The following SDAD1 variants were observed in gnomAD, a reference collection of about 807,000 sequenced individuals.
SDAD1 encodes SDA1 domain containing 1.
SDAD1 carries 79 observed loss-of-function variants against 100.3 expected under a neutral mutation model. That is an observed-to-expected ratio of 0.79 (90% CI 0.66 to 0.95). The LOEUF (loss-of-function observed/expected upper bound fraction) is 0.95, where lower values mean the gene tolerates loss of function less well. SDAD1 is among the 40% of genes least tolerant of loss of function. The pLI is 0.00. For synonymous variants in SDAD1, 267 were observed against 271.4 expected (o/e 0.98, Z 0.16); for missense variants, 790 against 810.9 (o/e 0.97, Z 0.31).
intron 13 of SDAD1, among the ~76,000 whole-genome samples, chr4:75,965,061 C>T (rs1729460578): frequency 6.6e-6 from 1 of 152,154 alleles, no homozygotes; most frequent in Non-Finnish European, 1.5e-5. Flanking sequence ...CCAGGCAGAA[C>T]AGAGCCATAT....
chr4:75,950,909 A>G, intron 21 of SDAD1, 112 bp from the exon 22 acceptor site: 1 of 599,806 alleles, frequency 1.7e-6, no homozygotes, highest in East Asian at 2.7e-5. Context: ...CACCATCCTG[A>G]AAAACTATAA....
At chr4:75,956,271 G>T (rs1285844774) in intron 20 of SDAD1, 135 bp from the exon 21 acceptor site, 10 of 889,460 alleles carry the variant, frequency 1.1e-5, no homozygotes, top group Non-Finnish European at 1.3e-5. Flanking sequence ...CACAGTCTTT[G>T]CTCCTTGGGA....
chr4:75,967,376 C>T (rs1729609702), intron 11 of SDAD1, 42 bp from the exon 12 acceptor site: 1 of 1,545,832 alleles, frequency 6.5e-7, no homozygotes, highest in South Asian at 1.1e-5. Context: ...GCAGCTGACA[C>T]TATGGAGTTC....
chr4:75,960,292 T>C (rs1729156796), intron 16 of SDAD1, 100 bp from the exon 17 acceptor site: 8 of 1,133,320 alleles, frequency 7.1e-6, no homozygotes, highest in Non-Finnish European at 8.5e-6. Context: ...ATTTATTTAT[T>C]TGAAGACAGG....
chr4:75,981,303 C>T (rs1340387555), intron 3 of SDAD1, 69 bp downstream of exon 3: 1 of 1,412,862 alleles, frequency 7.1e-7, no homozygotes, highest in African/African-American at 1.4e-5. Context: ...AGGCTGTTCT[C>T]ATTTAAATAT....
At chr4:75,983,658 G>GT (rs968525040) in intron 1 of SDAD1, among the ~76,000 whole-genome samples, 2 of 151,382 alleles carry the variant, frequency 1.3e-5, no homozygotes, top group African/African-American at 2.4e-5. Flanking sequence ...TTGTAAATTT[G>GT]TTTAAGTTCC....
intron 1 of SDAD1, 60 bp downstream of exon 1, chr4:75,990,692 G>C (rs921315910): frequency 7.5e-6 from 12 of 1,609,662 alleles, no homozygotes; most frequent in Non-Finnish European, 9.3e-6. Context: ...ATGCTTTCCC[G>C]CACCGGCGTC....
At chr4:75,961,969 T>C (rs975756555) in intron 14 of SDAD1, among the ~76,000 whole-genome samples, 7 of 152,224 alleles carry the variant, frequency 4.6e-5, no homozygotes, top group Non-Finnish European at 8.8e-5. Context: ...TACATATGTA[T>C]ACATGTGTCA....
intron 16 of SDAD1, 48 bp downstream of exon 16, chr4:75,960,980 G>A: frequency 6.7e-7 from 1 of 1,499,876 alleles, no homozygotes; most frequent in East Asian, 2.3e-5. Context: ...ATTTCTCTCA[G>A]TTTGTGAGAC....
At chr4:75,983,564 CTGTT>C (rs1036089148) in intron 1 of SDAD1, among the ~76,000 whole-genome samples, 5 of 151,870 alleles carry the variant, frequency 3.3e-5, no homozygotes, top group South Asian at 2.1e-4. Flanking sequence ...CTTTTTTTCA[CTGTT>C]TGTTGGCCGC....
At chr4:75,984,620 C>T (rs1730757434) in intron 1 of SDAD1, among the ~76,000 whole-genome samples, 1 of 152,152 alleles carries the variant, frequency 6.6e-6, no homozygotes. Context: ...TTATGCACAT[C>T]AACTCACTTA....
intron 19 of SDAD1, 33 bp downstream of exon 19, chr4:75,957,485 G>A (rs758365019): frequency 6.2e-7 from 1 of 1,611,352 alleles, no homozygotes; most frequent in Non-Finnish European, 8.5e-7. Flanking sequence ...CACATGAGCT[G>A]ACTGAAGTAC....
chr4:75,970,079 C>T (rs1036238932), intron 10 of SDAD1, among the ~76,000 whole-genome samples: 1 of 151,204 alleles, frequency 6.6e-6, no homozygotes. Flanking sequence ...TTGTTAAAAA[C>T]ATGAATCTCA....
chr4:75,964,683 G>A lies in SDAD1; in HGVS notation c.1105-472C>T, dbSNP rs544869720. Among the ~76,000 whole-genome samples, 134 of 152,292 alleles carry A rather than the reference G, an allele frequency of 8.8e-4. 1 individual carries two copies. The highest frequency in any genetic ancestry group is 3.0e-3 in the African/African-American group (126 of 41,560). On this transcript the variant is annotated intron_variant, in intron 13 of 21. Transcript: ENST00000356260. Reference sequence around the variant, plus strand: ...CTTGTTGTGGGAAGTCAGAGACCCCGAATGGAGGAACCAGCTGAAGCCATG... The same window carrying A: ...CTTGTTGTGGGAAGTCAGAGACCCCAAATGGAGGAACCAGCTGAAGCCATG...
intron 1 of SDAD1, among the ~76,000 whole-genome samples, chr4:75,982,274 G>A (rs940763346): frequency 5.9e-5 from 9 of 152,192 alleles, no homozygotes; most frequent in Admixed American, 2.6e-4. Context: ...ATCACTACAA[G>A]TTTAGGCAGC....
In SDAD1 at chr4:75,956,085, G is replaced by C. The variant is rs1728875289; in HGVS notation, c.1906C>G (p.Pro636Ala). 3 of 1,612,402 alleles carry C rather than the reference G, an allele frequency of 1.9e-6. No homozygotes were observed. Among genetic ancestry groups the C allele is most frequent in the Admixed American group, 1.7e-5 (1 of 59,610 alleles). ...EFVRKKTKTN[P>A]FSSSTNKEKK... ...TCTTTATTTGTCGAACTGGAAAATG[G>C]ATTTGTTTTGGTTTTCTTCCTCACA... is the stretch of plus-strand genomic sequence containing the variant. Residue 636 changes from proline to alanine, a missense_variant, in exon 21 of 22, where the codon CCA becomes GCA. By Grantham distance (27) the Pro-to-Ala change is conservative. Transcript: ENST00000356260.
chr4:75,957,984 A>C (rs1171441374), intron 17 of SDAD1, 43 bp from the exon 18 acceptor site: 2 of 1,484,398 alleles, frequency 1.3e-6, no homozygotes, highest in Non-Finnish European at 1.9e-6. Context: ...TTTATGTTGC[A>C]CATTCAACAT....
chr4:75,952,731 A>G (rs1367688659), intron 21 of SDAD1, among the ~76,000 whole-genome samples: 1 of 152,234 alleles, frequency 6.6e-6, no homozygotes, highest in Admixed American at 6.5e-5. Context: ...GCCACTAACT[A>G]CATGTGACTA....
intron 21 of SDAD1, among the ~76,000 whole-genome samples, chr4:75,953,816 C>T (rs1201766183): frequency 6.6e-6 from 1 of 152,208 alleles, no homozygotes; most frequent in African/African-American, 2.4e-5. Flanking sequence ...TATTTAGATA[C>T]ACTGCTACAC....
Sources: allele counts gnomAD v4.1 joint callset (sites outside exome capture counted in the v4.1 genomes callset), GRCh38; gene constraint gnomAD v4.1.1; transcripts MANE v1.5; gene names NCBI Gene and HGNC (gene_info 2026-07-23, HGNC 2026-07-21).